Variants in SYT16 observed in about 807,000 individuals in gnomAD.
SYT16 encodes the protein synaptotagmin-16.
Under a neutral mutation model 61.4 loss-of-function variants are expected in SYT16, and 42 were observed. The ratio of observed to expected loss-of-function variants is 0.68; its 90% confidence interval spans 0.53 to 0.89. The LOEUF (loss-of-function observed/expected upper bound fraction) is 0.89, where lower values mean the gene tolerates loss of function less well. Among genes scored for constraint, SYT16 ranks in the 40% least tolerant of loss-of-function variants. SYT16 has a pLI of 0.00. For missense variants in SYT16, 804 were observed against 807.3 expected (o/e 1.00, Z 0.05); for synonymous variants, 314 against 302.3 (o/e 1.04, Z -0.40).
At chr14:61,902,565 C>T (rs1290005691) in intron 1 of SYT16, among the ~76,000 whole-genome samples, 2 of 152,220 alleles carry the variant, frequency 1.3e-5, no homozygotes, top group East Asian at 3.8e-4. Context: ...TTTATTTTCT[C>T]ACAGTTCAGG....
At chr14:61,843,486 A>G (rs1197347089) in intron 1 of SYT16, among the ~76,000 whole-genome samples, 10 of 152,200 alleles carry the variant, frequency 6.6e-5, no homozygotes, top group Non-Finnish European at 1.5e-4. Context: ...GCCCAGGCCA[A>G]TGTCCTGAAA....
At chr14:61,813,327 G>A (rs1038646202) in intron 1 of SYT16, among the ~76,000 whole-genome samples, 9 of 152,360 alleles carry the variant, frequency 5.9e-5, no homozygotes, top group Non-Finnish European at 1.2e-4. Context: ...GTCAGTGGGT[G>A]GGAGGAGTGC....
chr14:61,832,086 C>T (rs2140236086), intron 1 of SYT16: 1 of 728,172 alleles, frequency 1.4e-6, no homozygotes, highest in East Asian at 2.6e-5. Context: ...GTTCACGCCC[C>T]TGTTCATCTC....
intron 7 of SYT16, among the ~76,000 whole-genome samples, chr14:62,097,640 T>C (rs1057344153): frequency 6.6e-6 from 1 of 152,236 alleles, no homozygotes; most frequent in Non-Finnish European, 1.5e-5. Flanking sequence ...CTTCCTTTTG[T>C]CTGGTGTCTT....
At chr14:62,027,622 T>G (rs1478028206) in intron 3 of SYT16, among the ~76,000 whole-genome samples, 2 of 152,238 alleles carry the variant, frequency 1.3e-5, no homozygotes, top group Non-Finnish European at 2.9e-5. Context: ...TGCACCACAG[T>G]AATACTCTCA....
intron 3 of SYT16, among the ~76,000 whole-genome samples, chr14:62,030,768 C>T (rs1200028314): frequency 6.6e-6 from 1 of 152,124 alleles, no homozygotes; most frequent in Non-Finnish European, 1.5e-5. Flanking sequence ...ATTGATGAAA[C>T]AAAATGGATT....
rs375489148 is a variant in SYT16, at chr14:61,848,703, TC to T, written c.-325+35894del. On this transcript the variant is annotated intron_variant, in intron 1 of 7. Coordinates refer to ENST00000683842, the MANE Select transcript of SYT16 (RefSeq NM_001367656.1). ...GCCATGGGAAGGTCCAGACATGTTC[TC>T]TGGGAGACAGAGCCTGGAGTCAGAA... Among the ~76,000 whole-genome samples, 12 of 152,344 alleles carry T rather than the reference TC, an allele frequency of 7.9e-5. No individual in the cohort carries two copies. The East Asian group carries it at 2.3e-3, about 29-fold the overall frequency.
chr14:61,937,712 C>T (rs575353343), intron 1 of SYT16, among the ~76,000 whole-genome samples: 1 of 152,218 alleles, frequency 6.6e-6, no homozygotes, highest in South Asian at 2.1e-4. Flanking sequence ...CAGCTTTAGG[C>T]ACCAGGCTTC....
chr14:61,855,286 C>T (rs1035463840), intron 1 of SYT16, among the ~76,000 whole-genome samples: 7 of 152,160 alleles, frequency 4.6e-5, no homozygotes, highest in Non-Finnish European at 1.0e-4. Context: ...TATAATTTTG[C>T]ATGGAACTAC....
At position 62,110,800 on chromosome 14, in the gene SYT16, G is replaced by A. The variant is rs895966576; in HGVS notation, c.*10093G>A. On this transcript the variant is annotated 3_prime_UTR_variant, in exon 8 of 8. Coordinates refer to ENST00000683842, the MANE Select transcript of SYT16 (RefSeq NM_001367656.1). The stretch of plus-strand genomic sequence containing the variant: ...TTGAGTACAGGCAAAGTATTAAATG[G>A]AATAGCTTTTCCTCCCCTACAAAGT... 2.0e-5 allele frequency: 3 copies of A among 151,866 alleles called. No individual in the cohort carries two copies. The highest frequency in any genetic ancestry group is 7.2e-5 in the African/African-American group (3 of 41,386). The allele number at this position is 151,866 out of a possible 1,614,324, so 9.4% of individuals were successfully genotyped here.
chr14:61,939,695 T>G lies in SYT16; in HGVS notation c.-324-30437T>G, dbSNP rs544927655. 2.6e-4 allele frequency among the ~76,000 whole-genome samples: 39 copies of G among 152,308 alleles called. 1 individual carries two copies. In the South Asian group the frequency reaches 8.1e-3, roughly 32 times the overall value. ...GACCTTATCTCCAAATACAGTGACC[T>G]TCTGAGGTACTAGGGGTTAGGATTT... is the stretch of plus-strand genomic sequence containing the variant. On this transcript the variant is annotated intron_variant, in intron 1 of 7. Coordinates refer to ENST00000683842, the MANE Select transcript of SYT16 (RefSeq NM_001367656.1).
At chr14:62,065,201 G>T (rs1421693476) in intron 3 of SYT16, among the ~76,000 whole-genome samples, 1 of 152,182 alleles carries the variant, frequency 6.6e-6, no homozygotes, top group East Asian at 1.9e-4. Flanking sequence ...TAGGGCTTCA[G>T]CTTCCTAATG....
intron 1 of SYT16, among the ~76,000 whole-genome samples, chr14:61,880,002 G>A (rs982455447): frequency 6.6e-6 from 1 of 152,114 alleles, no homozygotes; most frequent in Non-Finnish European, 1.5e-5. Context: ...AGTAAGGCAG[G>A]CCACATGCCT....
intron 4 of SYT16, among the ~76,000 whole-genome samples, chr14:62,072,323 A>G (rs934684392): frequency 6.6e-6 from 1 of 152,190 alleles, no homozygotes; most frequent in Non-Finnish European, 1.5e-5. Flanking sequence ...AATCAGCAGG[A>G]TTACATGCAT....
chr14:62,045,075 T>C (rs892802512), intron 3 of SYT16, among the ~76,000 whole-genome samples: 2 of 152,030 alleles, frequency 1.3e-5, no homozygotes, highest in Non-Finnish European at 2.9e-5. Flanking sequence ...GAGGCAGAGG[T>C]TGCAGTGAGC....
intron 1 of SYT16, among the ~76,000 whole-genome samples, chr14:61,830,379 G>A (rs1009163453): frequency 1.3e-5 from 2 of 152,334 alleles, no homozygotes; most frequent in East Asian, 3.9e-4. Flanking sequence ...CAAAATTCAT[G>A]TCTTATTCAC....
chr14:61,988,475 G>C (rs1305785885), intron 2 of SYT16, among the ~76,000 whole-genome samples: 1 of 152,076 alleles, frequency 6.6e-6, no homozygotes, highest in Non-Finnish European at 1.5e-5. Context: ...AATACTCAAT[G>C]GGCTTATGAA....
At chr14:62,069,188 A>G (rs971351864) in intron 3 of SYT16, among the ~76,000 whole-genome samples, 1 of 152,360 alleles carries the variant, frequency 6.6e-6, no homozygotes, top group Non-Finnish European at 1.5e-5. Context: ...GTGTGTTTTA[A>G]TAAATGAGAT....
At chr14:61,938,931 C>T (rs1274245077) in intron 1 of SYT16, among the ~76,000 whole-genome samples, 37 of 152,174 alleles carry the variant, frequency 2.4e-4, no homozygotes, top group African/African-American at 7.9e-4. Flanking sequence ...GGTCAGGAGC[C>T]CGAGACCAGC....
Sources: allele counts gnomAD v4.1 joint callset (sites outside exome capture counted in the v4.1 genomes callset), GRCh38; gene constraint gnomAD v4.1.1; transcripts MANE v1.5; gene names NCBI Gene and HGNC (gene_info 2026-07-23, HGNC 2026-07-21).